ARHGAP1: variants seen among roughly 807,000 people sequenced by gnomAD.
The protein encoded by ARHGAP1 is rho GTPase-activating protein 1.
ARHGAP1 carries 23 observed loss-of-function variants against 52.2 expected under a neutral mutation model. That is an observed-to-expected ratio of 0.44 (90% CI 0.32 to 0.62). The LOEUF (loss-of-function observed/expected upper bound fraction) is 0.62. Ranked by LOEUF, ARHGAP1 falls within the 20% of genes least tolerant of loss-of-function variation. ARHGAP1 has a pLI of 0.05. For missense variants in ARHGAP1, 480 were observed against 560.9 expected (o/e 0.86, Z 1.46); for synonymous variants, 210 against 228.4 (o/e 0.92, Z 0.73).
intron 3 of ARHGAP1, among the ~76,000 whole-genome samples, chr11:46,692,713 A>G (rs1268703053): frequency 6.6e-6 from 1 of 151,894 alleles, no homozygotes; most frequent in Admixed American, 6.6e-5. Flanking sequence ...TTTTTGAGAC[A>G]GTCTCGCTCT....
chr11:46,700,022 T>G lies in ARHGAP1; in HGVS notation c.-50+529A>C, dbSNP rs186750493. On this transcript the variant is annotated intron_variant, in intron 1 of 12. Coordinates refer to ENST00000311956, the MANE Select transcript of ARHGAP1 (RefSeq NM_004308.5). The stretch of plus-strand genomic sequence containing the variant: ...CTGTCTCTACTAAAAATACAAAAAT[T>G]AGCCGGGCGTGGTGGCGGACGCCTG... Among the ~76,000 whole-genome samples the G allele has an allele frequency of 7.0e-4, 107 of 151,930 alleles. 1 individual carries two copies. The highest frequency in any genetic ancestry group is 7.0e-3 in the Admixed American group (106 of 15,240).
At position 46,679,386 on chromosome 11, in the gene ARHGAP1, G is replaced by A. The variant is rs1362640821; in HGVS notation, c.1110C>T (p.Phe370=). 1.2e-6 allele frequency: 2 copies of A among 1,614,054 alleles called. No individual in the cohort carries two copies. The highest frequency in any genetic ancestry group is 1.7e-6 in the Non-Finnish European group (2 of 1,180,014). ...TCACCTGCACCAGGAAAGCAGTCAGGAAACGAAGCACCTGGTAGTTCTCCT... is the reference window on the plus strand; with the variant it reads ...TCACCTGCACCAGGAAAGCAGTCAGAAAACGAAGCACCTGGTAGTTCTCCT... The part of the protein sequence containing the change: ...LPEENYQVLR[F]LTAFLVQISA... The change falls in exon 12 of 13, where the codon TTC becomes TTT. Residue 370 remains phenylalanine (F), a synonymous_variant. Transcript: ENST00000311956. The surrounding 1 kb of genome is among the most constrained non-coding windows in gnomAD (Gnocchi z 4.4).
chr11:46,699,473 G>C (rs1025467443), intron 1 of ARHGAP1, among the ~76,000 whole-genome samples: 3 of 152,128 alleles, frequency 2.0e-5, no homozygotes, highest in Non-Finnish European at 4.4e-5. Context: ...GGGAGGCCGA[G>C]GCGGGCGGAT....
chr11:46,697,887 T>C (rs2064668734), intron 1 of ARHGAP1, among the ~76,000 whole-genome samples: 1 of 152,112 alleles, frequency 6.6e-6, no homozygotes, highest in Admixed American at 6.6e-5. Context: ...CCCTTCAATA[T>C]CTACATGTGC....
Position 46,696,164 on chromosome 11 carries a change from A to C in ARHGAP1, c.-49-8T>G. On this transcript the variant is annotated splice_polypyrimidine_tract_variant and splice_region_variant and intron_variant, in intron 1 of 12. Coordinates refer to ENST00000311956, the MANE Select transcript of ARHGAP1 (RefSeq NM_004308.5). This position sits in a 1 kb window ranked among gnomAD's most constrained non-coding sequence, Gnocchi z 4.8. ...CAGAACCTTAAGAGAAACCTGGGAG[A>C]GAGGAAGACAGGTGGCAGGTCAGTG... 1 of 1,532,006 alleles carries C rather than the reference A, an allele frequency of 6.5e-7. No individual in the cohort carries two copies. Among genetic ancestry groups the C allele is most frequent in the Non-Finnish European group, 8.8e-7 (1 of 1,137,978 alleles). The allele number at this position is 1,532,006 out of a possible 1,614,324, so 94.9% of individuals were successfully genotyped here. A position where few individuals can be genotyped will look rare whatever the true frequency, so the allele number is the denominator to read the frequency against.
chr11:46,682,606 C>T (rs2064537539), intron 4 of ARHGAP1, among the ~76,000 whole-genome samples: 1 of 152,184 alleles, frequency 6.6e-6, no homozygotes, highest in African/African-American at 2.4e-5. Flanking sequence ...ATCGCTTGAA[C>T]CCAGGAGGCG....
Position 46,696,087 on chromosome 11 carries a change from C to G in ARHGAP1, c.21G>C (p.Leu7=). The G allele has an allele frequency of 6.2e-7, 1 of 1,607,394 alleles. No individual in the cohort carries two copies. The highest frequency in any genetic ancestry group is 1.7e-4 in the Middle Eastern group (1 of 6,052). MDPLSE[L]QDDLTLDDTS... The stretch of plus-strand genomic sequence containing the variant: ...TGTCATCCAAGGTCAGATCATCCTG[C>G]AGCTCTGAGAGCGGATCCATGGCCA... The change falls in exon 2 of 13, where the codon CTG becomes CTC. Residue 7 remains leucine, a synonymous_variant. Coordinates refer to ENST00000311956, the MANE Select transcript of ARHGAP1 (RefSeq NM_004308.5). This position sits in a 1 kb window ranked among gnomAD's most constrained non-coding sequence, Gnocchi z 4.8.
chr11:46,696,623 C>G lies in ARHGAP1; in HGVS notation c.-49-467G>C, dbSNP rs770168927. Among the ~76,000 whole-genome samples the G allele has an allele frequency of 2.6e-5, 4 of 152,250 alleles. No homozygotes were observed. Among genetic ancestry groups the G allele is most frequent in the Non-Finnish European group, 4.4e-5 (3 of 68,040 alleles). On this transcript the variant is annotated intron_variant, in intron 1 of 12. Transcript: ENST00000311956. This position sits in a 1 kb window ranked among gnomAD's most constrained non-coding sequence, Gnocchi z 4.8. Reference sequence around the variant, plus strand: ...GTGGCTCACGCCTGTAATCCCAGCACTTTGGGAGGCCGAGGCAGGCGGATC... The same window carrying G: ...GTGGCTCACGCCTGTAATCCCAGCAGTTTGGGAGGCCGAGGCAGGCGGATC...
At chr11:46,691,161 C>G (rs572435285) in intron 3 of ARHGAP1, among the ~76,000 whole-genome samples, 1 of 152,282 alleles carries the variant, frequency 6.6e-6, no homozygotes, top group African/African-American at 2.4e-5. Flanking sequence ...TACCATGGCA[C>G]CTACAGTCTC....
chr11:46,684,473 T>G (rs1405797325), intron 4 of ARHGAP1, among the ~76,000 whole-genome samples: 11 of 152,126 alleles, frequency 7.2e-5, no homozygotes. Context: ...TCATGGCCCA[T>G]TTTATGATAG....
Position 46,679,500 on chromosome 11 carries a change from C to G in ARHGAP1, c.1028-32G>C, listed in dbSNP as rs1207570223. ...GGAAAGGAGGCCCGGGTTATAGGGG[C>G]CCTAGGCTGGGCTGGTTCAGGACGC... On this transcript the variant is annotated intron_variant, in intron 11 of 12. Coordinates refer to ENST00000311956, the MANE Select transcript of ARHGAP1 (RefSeq NM_004308.5). The surrounding 1 kb of genome is among the most constrained non-coding windows in gnomAD (Gnocchi z 4.4). 6.2e-7 allele frequency: 1 copy of G among 1,611,702 alleles called. No homozygotes were observed. The highest frequency in any genetic ancestry group is 8.5e-7 in the Non-Finnish European group (1 of 1,178,222).
Position 46,680,834 on chromosome 11 carries a change from AGGAGG to A in ARHGAP1, c.636-92_636-88del. On this transcript the variant is annotated intron_variant, in intron 7 of 12. Transcript: ENST00000311956. This position sits in a 1 kb window ranked among gnomAD's most constrained non-coding sequence, Gnocchi z 5.9. The stretch of plus-strand genomic sequence containing the variant: ...AATCAAGCATTGACCACGCGGGGTC[AGGAGG>A]ATCATCTCATGCGATCTCTGTAACA... 2 of 1,148,172 alleles carry A rather than the reference AGGAGG, an allele frequency of 1.7e-6. No homozygotes were observed. The highest frequency in any genetic ancestry group is 2.5e-6 in the Non-Finnish European group (2 of 811,092). The allele number at this position is 1,148,172 out of a possible 1,614,324, so 71.1% of individuals were successfully genotyped here. A position where few individuals can be genotyped will look rare whatever the true frequency, so the allele number is the denominator to read the frequency against.
Position 46,681,610 on chromosome 11 carries a change from T to A in ARHGAP1, c.450-231A>T, listed in dbSNP as rs1011773701. On this transcript the variant is annotated intron_variant, in intron 5 of 12. Coordinates refer to ENST00000311956, the MANE Select transcript of ARHGAP1 (RefSeq NM_004308.5). This position sits in a 1 kb window ranked among gnomAD's most constrained non-coding sequence, Gnocchi z 5.7. The stretch of plus-strand genomic sequence containing the variant: ...CACCACACCTAGCTAATTTTTGTAT[T>A]TTTAGCGGAGACAGGGTTTCACCAT... 3.0e-5 allele frequency: 14 copies of A among 468,180 alleles called. No homozygotes were observed. Among genetic ancestry groups the A allele is most frequent in the Non-Finnish European group, 5.1e-5 (13 of 256,674 alleles). The allele number at this position is 468,180 out of a possible 1,614,324, so 29.0% of individuals were successfully genotyped here.
At chr11:46,693,339 G>A (rs1359455963) in intron 3 of ARHGAP1, among the ~76,000 whole-genome samples, 1 of 151,618 alleles carries the variant, frequency 6.6e-6, no homozygotes, top group African/African-American at 2.4e-5. Context: ...CCCCTATCCT[G>A]GGGATACCTT....
chr11:46,686,047 C>A (rs557839648), intron 4 of ARHGAP1, among the ~76,000 whole-genome samples: 6 of 151,106 alleles, frequency 4.0e-5, no homozygotes, highest in Non-Finnish European at 5.9e-5. Flanking sequence ...TCTGGGCTCA[C>A]TGAAATCTCT....
chr11:46,690,143 G>A (rs1387316929), intron 3 of ARHGAP1, among the ~76,000 whole-genome samples: 9 of 151,334 alleles, frequency 5.9e-5, no homozygotes, highest in Non-Finnish European at 8.8e-5. Context: ...TTGGGAGGCC[G>A]AGGTGGGCGG....
chr11:46,681,499 T>C lies in ARHGAP1; in HGVS notation c.450-120A>G. The C allele has an allele frequency of 4.1e-6, 3 of 737,696 alleles. No homozygotes were observed. The highest frequency in any genetic ancestry group is 7.2e-6 in the Non-Finnish European group (3 of 417,908). 45.7% of individuals were successfully genotyped at this position (737,696 alleles called of 1,614,324 possible). On this transcript the variant is annotated intron_variant, in intron 5 of 12. Transcript: ENST00000311956. This position sits in a 1 kb window ranked among gnomAD's most constrained non-coding sequence, Gnocchi z 5.7. ...CTCCTTCACCCAGGCTGGAGTGTGA[T>C]CTCAGCTCATTGCAGCCTCCACCTC...
chr11:46,693,279 G>A (rs1482115740), intron 3 of ARHGAP1, among the ~76,000 whole-genome samples: 1 of 151,680 alleles, frequency 6.6e-6, no homozygotes, highest in Non-Finnish European at 1.5e-5. Flanking sequence ...TACTAGGTGT[G>A]AGCCACCGCA....
intron 4 of ARHGAP1, among the ~76,000 whole-genome samples, chr11:46,686,519 C>T (rs528271481): frequency 6.3e-4 from 95 of 150,428 alleles, no homozygotes; most frequent in African/African-American, 2.2e-3. Context: ...CCCGGGTTCA[C>T]GCCATTCTGC....
Sources: gnomAD v4.1 joint callset for allele counts (sites outside exome capture counted in the v4.1 genomes callset) on GRCh38, gnomAD v4.1.1 for gene constraint, Gnocchi (gnomAD v3.1) non-coding constraint, MANE v1.5 for transcripts, NCBI Gene and HGNC (gene_info 2026-07-23, HGNC 2026-07-21) for gene names.